The following DAPK1 variants were observed in gnomAD, a reference collection of about 807,000 sequenced individuals.
DAPK1 encodes the protein death associated protein kinase 1.
A neutral mutation model predicts 144.9 loss-of-function variants in DAPK1; 56 were observed. The ratio of observed to expected loss-of-function variants is 0.39; its 90% CI spans 0.31 to 0.48. The LOEUF (loss-of-function observed/expected upper bound fraction) is 0.48. Ranked by LOEUF, DAPK1 falls within the 20% of genes least tolerant of loss-of-function variation. The pLI, the probability that DAPK1 is intolerant of heterozygous loss-of-function variation, is 0.95. For missense variants in DAPK1, 1,454 were observed against 1,875.4 expected, an observed-to-expected ratio of 0.78 and a Z score of 4.15; for synonymous variants, 690 against 749.0, an observed-to-expected ratio of 0.92 and a Z score of 1.29.
chr9:87,513,514 A>G (rs1316489), intron 2 of DAPK1, among the ~76,000 whole-genome samples: 30,870 of 152,178 alleles, frequency 0.2, 3,533 homozygotes, highest in East Asian at 0.43. Flanking sequence ...AGAAAACTGG[A>G]AATAAGACAT....
chr9:87,527,529 G>C (rs1403300287), intron 2 of DAPK1, among the ~76,000 whole-genome samples: 1 of 152,210 alleles, frequency 6.6e-6, no homozygotes, highest in Non-Finnish European at 1.5e-5. Context: ...AATAGAGCTT[G>C]CTCCTGCTGA....
chr9:87,616,225 A>G (rs1829092002), intron 3 of DAPK1, among the ~76,000 whole-genome samples: 1 of 152,212 alleles, frequency 6.6e-6, no homozygotes, highest in African/African-American at 2.4e-5. Flanking sequence ...GCTGAAGCCT[A>G]GGAGTGGGAT....
intron 25 of DAPK1, among the ~76,000 whole-genome samples, chr9:87,704,831 C>T (rs1825578772): frequency 6.6e-6 from 1 of 152,104 alleles, no homozygotes; most frequent in African/African-American, 2.4e-5. Context: ...TGTGTGGTCA[C>T]CGGTGGGGTC....
At chr9:87,676,926 G>C (rs1050253535) in intron 19 of DAPK1, among the ~76,000 whole-genome samples, 3 of 152,218 alleles carry the variant, frequency 2.0e-5, no homozygotes, top group Non-Finnish European at 4.4e-5. Context: ...GTGGGAGGAA[G>C]ACCTGGTAGT....
chr9:87,536,568 C>A (rs1422323638), intron 2 of DAPK1, among the ~76,000 whole-genome samples: 1 of 151,422 alleles, frequency 6.6e-6, no homozygotes, highest in Non-Finnish European at 1.5e-5. Context: ...CAATAAATAA[C>A]ACAATAAAAA....
Position 87,649,930 on chromosome 9 carries a change from AC to A in DAPK1, c.1444del (p.Leu482CysfsTer23). The A allele has an allele frequency of 6.2e-7, 1 of 1,613,638 alleles. No individual in the cohort carries two copies. The highest frequency in any genetic ancestry group is 8.5e-7 in the Non-Finnish European group (1 of 1,179,936). ...TCGTCTCCTTGGCCAGGAAGAAGAAACCCCCCTGCACTGTGCTGCTTGGCAC... is the reference window on the plus strand; with the variant it reads ...TCGTCTCCTTGGCCAGGAAGAAGAAACCCCCTGCACTGTGCTGCTTGGCAC... ...NPNIQDKEEE[T>X]PLHCAAWHGY... On this transcript the variant is annotated frameshift_variant, in exon 16 of 26. Coordinates refer to ENST00000408954, the MANE Select transcript of DAPK1 (RefSeq NM_004938.4). LOFTEE classifies it high-confidence loss of function.
At chr9:87,663,394 C>CTGGCCCAGCTGTTGCCTCCG (rs1830934481) in intron 18 of DAPK1, among the ~76,000 whole-genome samples, 1 of 152,294 alleles carries the variant, frequency 6.6e-6, no homozygotes, top group East Asian at 1.9e-4. Context: ...CCCCATGAAC[C>CTGGCCCAGCTGTTGCCTCCG]TGGCCCAGCT....
chr9:87,512,240 G>A (rs1321050668), intron 2 of DAPK1, among the ~76,000 whole-genome samples: 1 of 151,920 alleles, frequency 6.6e-6, no homozygotes, highest in Non-Finnish European at 1.5e-5. Context: ...CATCTTAAGT[G>A]GCCAAATAAG....
intron 19 of DAPK1, among the ~76,000 whole-genome samples, chr9:87,675,180 A>G (rs1047361329): frequency 6.6e-6 from 1 of 152,146 alleles, no homozygotes; most frequent in African/African-American, 2.4e-5. Context: ...TTGAGTTGCC[A>G]CAGAGACCAT....
intron 3 of DAPK1, among the ~76,000 whole-genome samples, chr9:87,631,404 TG>T (rs1274758107): frequency 6.6e-6 from 1 of 152,190 alleles, no homozygotes; most frequent in African/African-American, 2.4e-5. Flanking sequence ...CCTTCTGTCG[TG>T]GCCAACTTTT....
intron 2 of DAPK1, among the ~76,000 whole-genome samples, chr9:87,515,766 G>A (rs772876644): frequency 6.6e-6 from 1 of 152,190 alleles, no homozygotes; most frequent in Non-Finnish European, 1.5e-5. Flanking sequence ...CAACAAAGGG[G>A]ACCACGTGGG....
intron 2 of DAPK1, among the ~76,000 whole-genome samples, chr9:87,545,326 G>T (rs1047539998): frequency 4.6e-5 from 7 of 152,128 alleles, no homozygotes; most frequent in African/African-American, 1.4e-4. Context: ...CTCAGCTCTG[G>T]CAGTTACTTG....
In DAPK1 at chr9:87,639,217, C is replaced by G. The variant is rs1220341128; in HGVS notation, c.424-137C>G. 4.0e-6 allele frequency: 3 copies of G among 755,718 alleles called. No homozygotes were observed. In the African/African-American group the frequency reaches 5.3e-5, roughly 13 times the overall value. 46.8% of individuals were successfully genotyped at this position (755,718 alleles called of 1,614,324 possible). A position where few individuals can be genotyped will look rare whatever the true frequency, so the allele number is the denominator to read the frequency against. ...AACCTAGAGCAAGACATGTATTTTC[C>G]TGCTGTTCTCTTCCAACCACCCTTT... On this transcript the variant is annotated intron_variant, in intron 4 of 25. Transcript: ENST00000408954.
At chr9:87,590,421 T>A (rs1329880846) in intron 2 of DAPK1, among the ~76,000 whole-genome samples, 1 of 148,810 alleles carries the variant, frequency 6.7e-6, no homozygotes, top group Non-Finnish European at 1.5e-5. Context: ...GCTAAAAGGG[T>A]TGCCTAATTT....
At chr9:87,597,054 G>A (rs1343695718) in intron 2 of DAPK1, among the ~76,000 whole-genome samples, 1 of 152,066 alleles carries the variant, frequency 6.6e-6, no homozygotes, top group South Asian at 2.1e-4. Flanking sequence ...AACTGCATGC[G>A]ACCTCTCTAC....
intron 3 of DAPK1, among the ~76,000 whole-genome samples, chr9:87,618,406 G>A (rs1302194849): frequency 6.6e-6 from 1 of 152,180 alleles, no homozygotes; most frequent in African/African-American, 2.4e-5. Context: ...AGTTTTCATA[G>A]GACTCAGCAT....
rs766394587 is a variant in DAPK1 at position 87,499,029 on chromosome 9, G to A, written c.-49G>A. The A allele has an allele frequency of 6.4e-7, 1 of 1,553,046 alleles. No individual in the cohort carries two copies. The highest frequency in any genetic ancestry group is 1.7e-5 in the Admixed American group (1 of 59,898). On this transcript the variant is annotated 5_prime_UTR_variant, in exon 2 of 26. Coordinates refer to ENST00000408954, the MANE Select transcript of DAPK1 (RefSeq NM_004938.4). ...CGCAGGAGCGGTGGTGATGGTCTGG[G>A]AAGCGGAGCTGAAGTGCCCTGGGCT...
chr9:87,654,202 T>C (rs1282457028), intron 17 of DAPK1, among the ~76,000 whole-genome samples: 1 of 152,244 alleles, frequency 6.6e-6, no homozygotes, highest in East Asian at 1.9e-4. Flanking sequence ...CTGAATTCCA[T>C]ATAGATGTTC....
chr9:87,694,373 A>G (rs978460728), intron 21 of DAPK1, among the ~76,000 whole-genome samples: 8 of 152,194 alleles, frequency 5.3e-5, no homozygotes, highest in Non-Finnish European at 7.3e-5. Flanking sequence ...AGGTCCCCAG[A>G]CAGCATATTC....
Sources: allele counts gnomAD v4.1 joint callset (sites outside exome capture counted in the v4.1 genomes callset), GRCh38; gene constraint gnomAD v4.1.1; transcripts MANE v1.5; gene names NCBI Gene and HGNC (gene_info 2026-07-23, HGNC 2026-07-21).